FOXN3: variants seen among roughly 807,000 people sequenced by gnomAD.
FOXN3 encodes the protein forkhead box protein N3.
A neutral mutation model predicts 38.4 loss-of-function variants in FOXN3; 7 were observed. The observed-to-expected ratio is 0.18, with a 90% CI of 0.10 to 0.34. The LOEUF is 0.34. Ranked by LOEUF, FOXN3 falls within the 10% of genes least tolerant of loss-of-function variation. The pLI, the probability that FOXN3 is intolerant of heterozygous loss-of-function variation, is 1.00. For synonymous variants in FOXN3, 230 were observed against 242.2 expected, an observed-to-expected ratio of 0.95 and a Z score of 0.47; for missense variants, 456 against 613.4, an observed-to-expected ratio of 0.74 and a Z score of 2.71.
chr14:89,321,490 T>A (rs901603899), intron 3 of FOXN3, among the ~76,000 whole-genome samples: 2 of 152,032 alleles, frequency 1.3e-5, no homozygotes, highest in African/African-American at 4.8e-5. Context: ...GGCAGGACAA[T>A]TGCTTGAACC....
At chr14:89,363,780 A>C (rs909528776) in intron 2 of FOXN3, among the ~76,000 whole-genome samples, 2 of 151,798 alleles carry the variant, frequency 1.3e-5, no homozygotes, top group African/African-American at 4.9e-5. Context: ...CTCTGCTTCA[A>C]AATATGTAAG....
At chr14:89,355,249 G>A (rs914784147) in intron 2 of FOXN3, 8 of 149,768 alleles carry the variant, frequency 5.3e-5, no homozygotes, top group Non-Finnish European at 1.0e-4. Flanking sequence ...TTGTGGAAAT[G>A]GAGTCTCACT....
intron 2 of FOXN3, among the ~76,000 whole-genome samples, chr14:89,379,659 A>G (rs143710659): frequency 6.6e-6 from 1 of 152,046 alleles, no homozygotes; most frequent in African/African-American, 2.4e-5. Flanking sequence ...ATTTTTCATT[A>G]TTATTATTGA....
chr14:89,241,691 G>T lies in FOXN3; in HGVS notation c.745+39259C>A, dbSNP rs545688811. On this transcript the variant is annotated intron_variant, in intron 4 of 5. Transcript: ENST00000557258. ...CAGTTGATTATAAATAGTTTTTTGG[G>T]ATTCTCTTCAGAATCCCACGCTCCT... is the stretch of plus-strand genomic sequence containing the variant. Among the ~76,000 whole-genome samples, 3 of 152,194 alleles carry T rather than the reference G, an allele frequency of 2.0e-5. No individual in the cohort carries two copies. In the East Asian group the frequency reaches 5.8e-4, roughly 29 times the overall value.
intron 2 of FOXN3, among the ~76,000 whole-genome samples, chr14:89,358,010 C>T (rs746002753): frequency 6.6e-6 from 1 of 152,140 alleles, no homozygotes; most frequent in African/African-American, 2.4e-5. Flanking sequence ...ACTGGTTCCT[C>T]TGTAATAGGG....
intron 4 of FOXN3, among the ~76,000 whole-genome samples, chr14:89,235,287 C>T (rs993812065): frequency 2.0e-5 from 3 of 152,160 alleles, no homozygotes; most frequent in African/African-American, 7.2e-5. Flanking sequence ...CTCTTTGTGA[C>T]CTCCTTCCCC....
intron 2 of FOXN3, among the ~76,000 whole-genome samples, chr14:89,380,619 T>C (rs563344507): frequency 6.6e-6 from 1 of 152,248 alleles, no homozygotes; most frequent in Admixed American, 6.5e-5. Context: ...CCCTTATAAG[T>C]CGTATCAGCA....
chr14:89,273,420 A>T (rs913979879), intron 4 of FOXN3, among the ~76,000 whole-genome samples: 4 of 152,244 alleles, frequency 2.6e-5, no homozygotes, highest in Non-Finnish European at 5.9e-5. Context: ...GATTTTGGTT[A>T]AAATGGTTAC....
intron 1 of FOXN3, among the ~76,000 whole-genome samples, chr14:89,513,922 A>ACACACGCACG (rs1566682358): frequency 2.0e-5 from 3 of 151,532 alleles, no homozygotes; most frequent in South Asian, 4.2e-4. Flanking sequence ...ACACACACAC[A>ACACACGCACG]CACACACGCA....
intron 2 of FOXN3, among the ~76,000 whole-genome samples, chr14:89,373,530 AG>A (rs1316167723): frequency 1.3e-5 from 2 of 152,204 alleles, no homozygotes; most frequent in African/African-American, 4.8e-5. Context: ...TCTTTTCTGT[AG>A]CTTTCCCATA....
intron 5 of FOXN3, among the ~76,000 whole-genome samples, chr14:89,166,250 C>CT (rs1306737718): frequency 2.0e-5 from 3 of 152,126 alleles, no homozygotes; most frequent in African/African-American, 7.2e-5. Flanking sequence ...CTCTTTCTTT[C>CT]TTAAACAGGG....
chr14:89,378,760 T>C (rs963969884), intron 2 of FOXN3, among the ~76,000 whole-genome samples: 3 of 146,486 alleles, frequency 2.0e-5, no homozygotes, highest in African/African-American at 7.5e-5. Flanking sequence ...CAAGCTGGAG[T>C]GAGTGGTGCA....
intron 1 of FOXN3, among the ~76,000 whole-genome samples, chr14:89,599,080 G>A (rs974953393): frequency 1.3e-5 from 2 of 151,880 alleles, no homozygotes; most frequent in African/African-American, 4.8e-5. Flanking sequence ...TTCACAATCT[G>A]ATATTTATTT....
chr14:89,287,718 C>T (rs1328005765), intron 3 of FOXN3, among the ~76,000 whole-genome samples: 2 of 141,632 alleles, frequency 1.4e-5, no homozygotes, highest in Non-Finnish European at 3.0e-5. Flanking sequence ...CAAGAAGCAA[C>T]TTCACAGATG....
chr14:89,354,557 A>AC (rs1889123435), intron 2 of FOXN3, among the ~76,000 whole-genome samples: 1 of 149,364 alleles, frequency 6.7e-6, no homozygotes, highest in Non-Finnish European at 1.5e-5. Context: ...AAAAAAAAAA[A>AC]AAAAGAAAAG....
intron 2 of FOXN3, among the ~76,000 whole-genome samples, chr14:89,376,024 C>G (rs1890468326): frequency 6.6e-6 from 1 of 152,132 alleles, no homozygotes; most frequent in African/African-American, 2.4e-5. Flanking sequence ...CTCAAATGAT[C>G]CACCTGCCTC....
intron 4 of FOXN3, chr14:89,185,886 CTA>C (rs1407701960): frequency 6.6e-6 from 1 of 152,222 alleles, no homozygotes; most frequent in Non-Finnish European, 1.5e-5. Context: ...ATTGTAGATG[CTA>C]TGTTCTAAAT....
At chr14:89,271,707 C>T (rs781259986) in intron 4 of FOXN3, among the ~76,000 whole-genome samples, 6 of 151,890 alleles carry the variant, frequency 4.0e-5, no homozygotes, top group Non-Finnish European at 8.8e-5. Flanking sequence ...TGTGTAGGAA[C>T]GAGGAGGGAA....
chr14:89,608,386 C>T (rs57334629), intron 1 of FOXN3, among the ~76,000 whole-genome samples: 6,032 of 151,956 alleles, frequency 0.04, 104 homozygotes, highest in African/African-American at 0.14. Context: ...GTGATCTGCC[C>T]GCCTCGGCCT....
Sources: allele counts gnomAD v4.1 joint callset (sites outside exome capture counted in the v4.1 genomes callset), GRCh38; gene constraint gnomAD v4.1.1; transcripts MANE v1.5; gene names NCBI Gene and HGNC (gene_info 2026-07-23, HGNC 2026-07-21).